Variants in CAMK1D observed in about 807,000 individuals in gnomAD.
CAMK1D encodes the protein calcium/calmodulin-dependent protein kinase type 1D.
Under a neutral mutation model 47.7 loss-of-function variants are expected in CAMK1D, and 9 were observed. The observed-to-expected ratio is 0.19, with a 90% confidence interval of 0.11 to 0.33. The LOEUF is 0.33. Ranked by LOEUF, CAMK1D falls within the 10% of genes least tolerant of loss-of-function variation. The pLI is 1.00. For missense variants in CAMK1D, 291 were observed against 488.7 expected, an observed-to-expected ratio of 0.60 and a Z score of 3.81; for synonymous variants, 184 against 184.9, an observed-to-expected ratio of 0.99 and a Z score of 0.04.
chr10:12,440,910 C>A (rs1832767201), intron 1 of CAMK1D, among the ~76,000 whole-genome samples: 1 of 152,208 alleles, frequency 6.6e-6, no homozygotes, highest in Non-Finnish European at 1.5e-5. Context: ...CACTCTCTAA[C>A]CTTCTCTAAC....
chr10:12,382,600 G>A (rs1349532380), intron 1 of CAMK1D, among the ~76,000 whole-genome samples: 2 of 152,090 alleles, frequency 1.3e-5, no homozygotes, highest in Admixed American at 6.6e-5. Context: ...TGAGGTGGGC[G>A]GATCACCTGA....
intron 3 of CAMK1D, among the ~76,000 whole-genome samples, chr10:12,728,168 T>G (rs1834740891): frequency 6.6e-6 from 1 of 152,194 alleles, no homozygotes. Context: ...AGATTTGTCA[T>G]GTGTGTTAGA....
At chr10:12,524,159 G>T (rs1193250123) in intron 1 of CAMK1D, among the ~76,000 whole-genome samples, 2 of 151,478 alleles carry the variant, frequency 1.3e-5, no homozygotes, top group African/African-American at 2.4e-5. Flanking sequence ...TAGAGACAGG[G>T]TTTCACGTTG....
intron 1 of CAMK1D, among the ~76,000 whole-genome samples, chr10:12,478,008 CTTTTTTTT>C (rs539240317): frequency 7.1e-6 from 1 of 141,154 alleles, no homozygotes; most frequent in Non-Finnish European, 1.6e-5. Context: ...TTTTCTTTTT[CTTTTTTTT>C]TTTTTTGGAG....
At chr10:12,606,024 A>G (rs115866297) in intron 2 of CAMK1D, among the ~76,000 whole-genome samples, 1,705 of 152,338 alleles carry the variant, frequency 0.011, 32 homozygotes, top group African/African-American at 0.039. Context: ...CCTGACTTCT[A>G]GGGCACATCG....
chr10:12,362,602 A>G (rs1157185744), intron 1 of CAMK1D, among the ~76,000 whole-genome samples: 4 of 152,034 alleles, frequency 2.6e-5, no homozygotes, highest in African/African-American at 4.8e-5. Context: ...GGTTCCCGCC[A>G]TTCTCCTGCC....
At chr10:12,573,831 CTTTTTTTTTTTTT>C (rs34038018) in intron 2 of CAMK1D, among the ~76,000 whole-genome samples, 1 of 64,076 alleles carries the variant, frequency 1.6e-5, no homozygotes, top group Non-Finnish European at 2.8e-5. Context: ...ATTAAAAAAA[CTTTTTTTTTTTTT>C]TTTTTTTTTT....
chr10:12,613,616 T>G (rs1838695949), intron 2 of CAMK1D, among the ~76,000 whole-genome samples: 2 of 152,170 alleles, frequency 1.3e-5, no homozygotes. Context: ...GTAGCTGGGA[T>G]TACAGGCGTC....
chr10:12,527,350 CTTTTTTTTTTTTT>C (rs750670427), intron 1 of CAMK1D, among the ~76,000 whole-genome samples: 1 of 84,000 alleles, frequency 1.2e-5, no homozygotes, highest in Admixed American at 1.5e-4. Context: ...ACTTGACTTG[CTTTTTTTTTTTTT>C]TTTTTTTTTG....
At chr10:12,588,932 T>C (rs1837915219) in intron 2 of CAMK1D, among the ~76,000 whole-genome samples, 1 of 151,920 alleles carries the variant, frequency 6.6e-6, no homozygotes, top group Admixed American at 6.6e-5. Context: ...TATATATACA[T>C]GTATACAATA....
At chr10:12,387,632 G>A (rs1280526762) in intron 1 of CAMK1D, among the ~76,000 whole-genome samples, 6 of 149,278 alleles carry the variant, frequency 4.0e-5, no homozygotes, top group African/African-American at 1.5e-4. Flanking sequence ...TCAGCCTCCT[G>A]AGTAGCTGGA....
At chr10:12,403,889 C>T (rs1839318484) in intron 1 of CAMK1D, among the ~76,000 whole-genome samples, 1 of 151,690 alleles carries the variant, frequency 6.6e-6, no homozygotes, top group African/African-American at 2.4e-5. Context: ...GAGACTCATC[C>T]ATGTCACAGA....
intron 1 of CAMK1D, among the ~76,000 whole-genome samples, chr10:12,414,965 C>T (rs868694408): frequency 7.2e-4 from 110 of 151,992 alleles, no homozygotes; most frequent in African/African-American, 2.4e-3. Context: ...GGAATTTCTT[C>T]GGGAAAAAAA....
intron 3 of CAMK1D, among the ~76,000 whole-genome samples, chr10:12,690,458 A>T (rs766388221): frequency 3.3e-5 from 5 of 152,148 alleles, no homozygotes; most frequent in Non-Finnish European, 7.3e-5. Context: ...TTATGTACGT[A>T]TTTAGTAGAT....
At chr10:12,548,140 T>C (rs1836457505) in intron 1 of CAMK1D, among the ~76,000 whole-genome samples, 1 of 152,196 alleles carries the variant, frequency 6.6e-6, no homozygotes, top group Non-Finnish European at 1.5e-5. Context: ...GTGATGGGAC[T>C]CAGTATCCTC....
chr10:12,744,139 ATGT>A (rs1205487987), intron 3 of CAMK1D, among the ~76,000 whole-genome samples: 1 of 151,734 alleles, frequency 6.6e-6, no homozygotes, highest in Non-Finnish European at 1.5e-5. Flanking sequence ...TGTGTTTCTC[ATGT>A]TGTTGTTTGT....
chr10:12,548,761 G>A (rs901716684), intron 1 of CAMK1D, among the ~76,000 whole-genome samples: 16 of 151,400 alleles, frequency 1.1e-4, no homozygotes, highest in South Asian at 2.1e-4. Flanking sequence ...CACCGCGCCC[G>A]GCCTATTTTA....
chr10:12,472,642 C>T (rs1371161839), intron 1 of CAMK1D, among the ~76,000 whole-genome samples: 2 of 152,138 alleles, frequency 1.3e-5, no homozygotes, highest in Admixed American at 1.3e-4. Context: ...CTTCCTCAGC[C>T]TCCTGAGTAG....
At chr10:12,640,383 A>G (rs1335804449) in intron 2 of CAMK1D, among the ~76,000 whole-genome samples, 1 of 152,152 alleles carries the variant, frequency 6.6e-6, no homozygotes, top group Admixed American at 6.6e-5. Context: ...AGGTCGTCTC[A>G]CTGCAAGAAT....
Sources: gnomAD v4.1 joint callset for allele counts (sites outside exome capture counted in the v4.1 genomes callset) on GRCh38, gnomAD v4.1.1 for gene constraint, MANE v1.5 for transcripts, NCBI Gene and HGNC (gene_info 2026-07-23, HGNC 2026-07-21) for gene names.